CTNNA2: variants seen among roughly 807,000 people sequenced by gnomAD.
CTNNA2 encodes catenin alpha 2, also known as catenin alpha-2.
Under a neutral mutation model 101.0 loss-of-function variants are expected in CTNNA2, and 42 were observed. The ratio of observed to expected loss-of-function variants is 0.42; its 90% CI spans 0.32 to 0.54. The LOEUF is 0.54. CTNNA2 is among the 20% of genes least tolerant of loss of function. CTNNA2 has a pLI of 0.14. For missense variants in CTNNA2, 871 were observed against 1,223.1 expected (o/e 0.71, Z 4.29); for synonymous variants, 450 against 456.4 (o/e 0.99, Z 0.18).
At chr2:79,679,390 T>C (rs1346956879) in intron 2 of CTNNA2, among the ~76,000 whole-genome samples, 1 of 152,088 alleles carries the variant, frequency 6.6e-6, no homozygotes, top group Non-Finnish European at 1.5e-5. Flanking sequence ...TGTTCCCCAC[T>C]CCACTGCCTC....
intron 7 of CTNNA2, among the ~76,000 whole-genome samples, chr2:80,283,905 A>G (rs1199410862): frequency 6.6e-6 from 1 of 152,112 alleles, no homozygotes; most frequent in Non-Finnish European, 1.5e-5. Context: ...GGAGGAGGGA[A>G]AGAAAAGGGG....
intron 2 of CTNNA2, among the ~76,000 whole-genome samples, chr2:79,299,467 T>G (rs1384873276): frequency 6.6e-6 from 1 of 152,218 alleles, no homozygotes; most frequent in Non-Finnish European, 1.5e-5. Flanking sequence ...GTTAATTGAA[T>G]TTTTATAGAT....
intron 7 of CTNNA2, among the ~76,000 whole-genome samples, chr2:80,106,110 G>A (rs1700873176): frequency 6.6e-6 from 1 of 152,162 alleles, no homozygotes; most frequent in Admixed American, 6.5e-5. Context: ...GGCTTTTATT[G>A]GGCTGGTTAA....
chr2:79,664,323 A>G (rs1226138138), intron 2 of CTNNA2, among the ~76,000 whole-genome samples: 1 of 152,160 alleles, frequency 6.6e-6, no homozygotes, highest in Non-Finnish European at 1.5e-5. Flanking sequence ...TTACTGTTCA[A>G]AGGAATTTAT....
chr2:79,666,611 G>T (rs1682437667), intron 2 of CTNNA2, among the ~76,000 whole-genome samples: 1 of 152,190 alleles, frequency 6.6e-6, no homozygotes, highest in Non-Finnish European at 1.5e-5. Context: ...CACAAATACG[G>T]ATGGTGCTTG....
At chr2:80,368,854 T>G (rs908908796) in intron 7 of CTNNA2, among the ~76,000 whole-genome samples, 2 of 131,152 alleles carry the variant, frequency 1.5e-5, no homozygotes, top group Non-Finnish European at 3.1e-5. Flanking sequence ...TATATGTGTG[T>G]GTGTGTGTGT....
At chr2:80,288,007 G>T (rs1463203026) in intron 7 of CTNNA2, among the ~76,000 whole-genome samples, 2 of 152,124 alleles carry the variant, frequency 1.3e-5, no homozygotes, top group Admixed American at 6.6e-5. Flanking sequence ...CCTCTTCAAG[G>T]TTTGATCTTG....
intron 4 of CTNNA2, among the ~76,000 whole-genome samples, chr2:79,457,106 G>A (rs962658798): frequency 6.6e-6 from 1 of 151,736 alleles, no homozygotes; most frequent in Non-Finnish European, 1.5e-5. Context: ...GGAGGCTGAG[G>A]CAGGAGAATG....
At chr2:80,313,971 A>G (rs1677856567) in intron 7 of CTNNA2, among the ~76,000 whole-genome samples, 1 of 152,212 alleles carries the variant, frequency 6.6e-6, no homozygotes, top group African/African-American at 2.4e-5. Flanking sequence ...CAATAGATGG[A>G]TTGCTCTAGG....
intron 7 of CTNNA2, among the ~76,000 whole-genome samples, chr2:80,035,306 G>A (rs1299595195): frequency 1.3e-5 from 2 of 152,086 alleles, no homozygotes; most frequent in African/African-American, 4.8e-5. Flanking sequence ...TACATGTTGT[G>A]TCTGGGCTTC....
intron 1 of CTNNA2, among the ~76,000 whole-genome samples, chr2:79,189,172 C>T (rs1373129658): frequency 6.6e-6 from 1 of 152,016 alleles, no homozygotes; most frequent in Non-Finnish European, 1.5e-5. Context: ...AATTCACTTC[C>T]GTTTATAACA....
chr2:80,141,240 G>T (rs897942367), intron 7 of CTNNA2, among the ~76,000 whole-genome samples: 1 of 151,936 alleles, frequency 6.6e-6, no homozygotes, highest in Admixed American at 6.6e-5. Flanking sequence ...CACCAAGAAA[G>T]AAAGCCCTCA....
At chr2:79,310,035 A>G (rs1304767823) in intron 2 of CTNNA2, among the ~76,000 whole-genome samples, 1 of 152,192 alleles carries the variant, frequency 6.6e-6, no homozygotes, top group Non-Finnish European at 1.5e-5. Flanking sequence ...GTATAAAGAT[A>G]CTATTGATTT....
intron 3 of CTNNA2, among the ~76,000 whole-genome samples, chr2:79,801,907 G>A (rs1676187625): frequency 6.7e-6 from 1 of 148,500 alleles, no homozygotes; most frequent in Non-Finnish European, 1.5e-5. Flanking sequence ...CAGGAGAATC[G>A]CTTGAACCCG....
At chr2:79,692,500 C>A (rs901447741) in intron 2 of CTNNA2, among the ~76,000 whole-genome samples, 2 of 151,970 alleles carry the variant, frequency 1.3e-5, no homozygotes, top group Middle Eastern at 3.2e-3. Context: ...TACCATTTGA[C>A]CCAGCAATCC....
chr2:80,568,929 T>G (rs934929705), intron 12 of CTNNA2, among the ~76,000 whole-genome samples: 3 of 152,174 alleles, frequency 2.0e-5, no homozygotes, highest in African/African-American at 7.2e-5. Context: ...TGTTTGTTTC[T>G]TGATAAAGAG....
At chr2:79,766,808 T>C (rs538949251) in intron 3 of CTNNA2, among the ~76,000 whole-genome samples, 26 of 152,138 alleles carry the variant, frequency 1.7e-4, no homozygotes, top group Non-Finnish European at 2.9e-5. Flanking sequence ...CAGGCTGGAG[T>C]GCAGCGGCAT....
chr2:79,968,487 G>A (rs1690240162), intron 7 of CTNNA2, among the ~76,000 whole-genome samples: 1 of 152,134 alleles, frequency 6.6e-6, no homozygotes, highest in African/African-American at 2.4e-5. Context: ...CAACCCAGTA[G>A]CTGGTAGCAA....
intron 3 of CTNNA2, among the ~76,000 whole-genome samples, chr2:79,344,820 A>G (rs1031949118): frequency 3.4e-5 from 5 of 145,894 alleles, no homozygotes; most frequent in African/African-American, 1.2e-4. Flanking sequence ...ATTTATATAT[A>G]TAATATATAA....
Sources: gnomAD v4.1 joint callset for allele counts (sites outside exome capture counted in the v4.1 genomes callset) on GRCh38, gnomAD v4.1.1 for gene constraint, MANE v1.5 for transcripts, NCBI Gene and HGNC (gene_info 2026-07-23, HGNC 2026-07-21) for gene names.